Variants in SEMA3E observed in about 807,000 individuals in gnomAD.
The protein encoded by SEMA3E is semaphorin-3E.
In SEMA3E, 49 loss-of-function variants were observed where a neutral mutation model predicts 93.6. The ratio of observed to expected loss-of-function variants is 0.52; its 90% CI spans 0.42 to 0.66. SEMA3E has a LOEUF of 0.66. SEMA3E is among the 30% of genes least tolerant of loss of function. The probability of loss-of-function intolerance (pLI) is 0.00; values close to 1 mark genes in which losing one functional copy is unlikely to be tolerated. For missense variants in SEMA3E, 906 were observed against 964.8 expected (o/e 0.94, Z 0.81); for synonymous variants, 363 against 330.7 (o/e 1.10, Z -1.06).
intron 1 of SEMA3E, among the ~76,000 whole-genome samples, chr7:83,552,706 T>A (rs530685636): frequency 1.3e-5 from 2 of 152,174 alleles, no homozygotes; most frequent in South Asian, 4.2e-4. Flanking sequence ...AGATAAGGAC[T>A]GAGATACACG....
chr7:83,449,092 A>ATTTG (rs1455761422), intron 4 of SEMA3E, among the ~76,000 whole-genome samples: 1 of 149,778 alleles, frequency 6.7e-6, no homozygotes, highest in Admixed American at 6.7e-5. Flanking sequence ...TTTAAATTTT[A>ATTTG]TTTATTTATT....
At chr7:83,489,537 A>T (rs1584284437) in intron 2 of SEMA3E, among the ~76,000 whole-genome samples, 1 of 152,106 alleles carries the variant, frequency 6.6e-6, no homozygotes, top group Admixed American at 6.6e-5. Flanking sequence ...TTTGTGTAAG[A>T]TTTATATGAG....
intron 1 of SEMA3E, among the ~76,000 whole-genome samples, chr7:83,567,867 C>T (rs1011342792): frequency 6.6e-6 from 1 of 151,488 alleles, no homozygotes; most frequent in African/African-American, 2.4e-5. Context: ...AATATTAAAC[C>T]AAACCTCAAA....
At chr7:83,580,514 A>G (rs1460267492) in intron 1 of SEMA3E, among the ~76,000 whole-genome samples, 1 of 151,950 alleles carries the variant, frequency 6.6e-6, no homozygotes, top group Non-Finnish European at 1.5e-5. Context: ...TCCTAAATTC[A>G]GAATTCAGAC....
chr7:83,451,971 C>T (rs1789369182), intron 4 of SEMA3E, among the ~76,000 whole-genome samples: 1 of 152,146 alleles, frequency 6.6e-6, no homozygotes, highest in Non-Finnish European at 1.5e-5. Context: ...CTCAAAGCAC[C>T]ACACTCGTTC....
chr7:83,412,954 C>G (rs1788471218), intron 5 of SEMA3E, among the ~76,000 whole-genome samples: 2 of 151,874 alleles, frequency 1.3e-5, no homozygotes, highest in Non-Finnish European at 2.9e-5. Context: ...AAAAATTGAT[C>G]CCCAAGAATT....
At chr7:83,373,828 A>G (rs1249794825) in intron 16 of SEMA3E, among the ~76,000 whole-genome samples, 1 of 152,194 alleles carries the variant, frequency 6.6e-6, no homozygotes, top group Non-Finnish European at 1.5e-5. Context: ...TGGAAAAAGC[A>G]TATAAATGGG....
At chr7:83,628,301 G>A (rs1793715796) in intron 1 of SEMA3E, among the ~76,000 whole-genome samples, 1 of 151,948 alleles carries the variant, frequency 6.6e-6, no homozygotes, top group Admixed American at 6.6e-5. Flanking sequence ...TCTTCATGGT[G>A]TTATCTGTAT....
chr7:83,512,361 A>G (rs1465496856), intron 1 of SEMA3E, among the ~76,000 whole-genome samples: 2 of 152,216 alleles, frequency 1.3e-5, no homozygotes, highest in Non-Finnish European at 2.9e-5. Context: ...CTGTTAAATT[A>G]CTTACGGCTG....
intron 4 of SEMA3E, 53 bp downstream of exon 4, chr7:83,466,429 C>T: frequency 1.9e-6 from 3 of 1,600,764 alleles, no homozygotes; most frequent in Middle Eastern, 1.7e-4. Context: ...TCTTTGAGAA[C>T]AAGGTTGTTT....
intron 4 of SEMA3E, among the ~76,000 whole-genome samples, chr7:83,460,668 T>TGGGGGAGGGGCAA (rs1584263200): frequency 7.8e-5 from 5 of 64,162 alleles, no homozygotes; most frequent in South Asian, 6.7e-4. Flanking sequence ...CTCATATCTC[T>TGGGGGAGGGGCAA]GCGCCCCAAT....
intron 1 of SEMA3E, among the ~76,000 whole-genome samples, chr7:83,573,194 A>G (rs1209054085): frequency 5.3e-5 from 8 of 152,198 alleles, no homozygotes; most frequent in Admixed American, 5.2e-4. Flanking sequence ...ACTTAAATCA[A>G]CAAGCAAAAA....
In SEMA3E at chr7:83,606,140, A is replaced by C. The variant is rs1446537809; in HGVS notation, c.115+42288T>G. ...CTGCTGGTAACTGTACTTGACGACAAAATTGAAAATTGACTGCTGTCTGGG... is the reference window on the plus strand; with the variant it reads ...CTGCTGGTAACTGTACTTGACGACACAATTGAAAATTGACTGCTGTCTGGG... On this transcript the variant is annotated intron_variant, in intron 1 of 16. Coordinates refer to ENST00000643230, the MANE Select transcript of SEMA3E (RefSeq NM_012431.3). Among the ~76,000 whole-genome samples the C allele has an allele frequency of 2.6e-5, 4 of 152,320 alleles. No individual in the cohort carries two copies. In the East Asian group the frequency reaches 7.7e-4, roughly 29 times the overall value.
At chr7:83,497,502 T>C (rs554740755) in intron 1 of SEMA3E, among the ~76,000 whole-genome samples, 146 of 152,292 alleles carry the variant, frequency 9.6e-4, no homozygotes, top group African/African-American at 3.5e-3. Context: ...GTAAGCATTG[T>C]TAATGAAAAT....
At chr7:83,373,113 T>C (rs1186376551) in intron 16 of SEMA3E, 2 of 147,640 alleles carry the variant, frequency 1.4e-5, no homozygotes, top group Non-Finnish European at 3.1e-5. Context: ...TTCTTAGCTA[T>C]AAAGATTGAT....
At chr7:83,450,613 G>A (rs1789339438) in intron 4 of SEMA3E, among the ~76,000 whole-genome samples, 1 of 151,546 alleles carries the variant, frequency 6.6e-6, no homozygotes, top group African/African-American at 2.4e-5. Flanking sequence ...TATTGAAGGG[G>A]GACAACAGAT....
intron 16 of SEMA3E, among the ~76,000 whole-genome samples, chr7:83,375,175 C>T (rs1032504881): frequency 6.6e-6 from 1 of 151,998 alleles, no homozygotes; most frequent in Non-Finnish European, 1.5e-5. Context: ...AGGAACTGTA[C>T]AACAACTATA....
rs1794648546 is a variant in SEMA3E at position 83,365,232 on chromosome 7, C to T, written c.*2354G>A. 6.6e-6 allele frequency: 1 copy of T among 151,742 alleles called. No individual in the cohort carries two copies. The highest frequency in any genetic ancestry group is 1.9e-4 in the East Asian group (1 of 5,170). The allele number at this position is 151,742 out of a possible 1,614,324, so 9.4% of individuals were successfully genotyped here. ...ATCCTTGGAAACTGCTTTCTCTCTC[C>T]CTTCGTCTTTCTCTCTCCCTCCCTC... On this transcript the variant is annotated 3_prime_UTR_variant, in exon 17 of 17. Transcript: ENST00000643230.
chr7:83,582,092 C>A (rs1264259405), intron 1 of SEMA3E, among the ~76,000 whole-genome samples: 3 of 151,648 alleles, frequency 2.0e-5, no homozygotes, highest in Non-Finnish European at 4.4e-5. Context: ...ATATTGCATT[C>A]TATTGCAGTC....
Sources: gnomAD v4.1 joint callset for allele counts (sites outside exome capture counted in the v4.1 genomes callset) on GRCh38, gnomAD v4.1.1 for gene constraint, MANE v1.5 for transcripts, NCBI Gene and HGNC (gene_info 2026-07-23, HGNC 2026-07-21) for gene names.